The following ROBO2 variants were observed in gnomAD, a reference collection of about 807,000 sequenced individuals.
ROBO2 encodes the protein roundabout homolog 2.
A neutral mutation model predicts 160.8 loss-of-function variants in ROBO2; 53 were observed. That is an observed-to-expected ratio of 0.33 (90% CI 0.26 to 0.41). The LOEUF (loss-of-function observed/expected upper bound fraction) is 0.41, where lower values mean the gene tolerates loss of function less well. Ranked by LOEUF, ROBO2 falls within the 10% of genes least tolerant of loss-of-function variation. ROBO2 has a pLI of 1.00. For synonymous variants in ROBO2, 664 were observed against 611.7 expected, an observed-to-expected ratio of 1.09 and a Z score of -1.26; for missense variants, 1,577 against 1,722.4, an observed-to-expected ratio of 0.92 and a Z score of 1.49.
chr3:77,493,283 T>G (rs751359849), exon 5 of ROBO2: 2 of 1,613,996 alleles, frequency 1.2e-6, no homozygotes, highest in Non-Finnish European at 8.5e-7. Context: ...AACCAGGTGG[T>G]ACTGGAGGAA....
intron 22 of ROBO2, among the ~76,000 whole-genome samples, chr3:77,619,588 C>T (rs1412042418): frequency 2.6e-5 from 4 of 152,152 alleles, no homozygotes; most frequent in Non-Finnish European, 5.9e-5. Context: ...GCACACCTTC[C>T]TTGAGGTCCT....
chr3:76,633,291 G>A (rs559343790), intron 2 of ROBO2, among the ~76,000 whole-genome samples: 5 of 152,032 alleles, frequency 3.3e-5, no homozygotes, highest in African/African-American at 7.2e-5. Context: ...CCCCACCCCC[G>A]CACATGAAAT....
At chr3:76,771,680 T>TA (rs2061914523) in intron 2 of ROBO2, among the ~76,000 whole-genome samples, 1 of 151,286 alleles carries the variant, frequency 6.6e-6, no homozygotes, top group Non-Finnish European at 1.5e-5. Flanking sequence ...TCACTGGTGT[T>TA]ACACAGTAAT....
intron 2 of ROBO2, among the ~76,000 whole-genome samples, chr3:76,255,532 T>G (rs935646016): frequency 3.9e-5 from 6 of 152,022 alleles, no homozygotes; most frequent in African/African-American, 1.4e-4. Flanking sequence ...AAAATTTACA[T>G]TGTAAACATT....
intron 2 of ROBO2, among the ~76,000 whole-genome samples, chr3:76,881,567 A>G (rs2073337716): frequency 6.6e-6 from 1 of 152,242 alleles, no homozygotes; most frequent in Non-Finnish European, 1.5e-5. Context: ...AATAATTAGA[A>G]TAATATCAAC....
At chr3:76,657,696 A>T (rs1345158125) in intron 2 of ROBO2, among the ~76,000 whole-genome samples, 2 of 143,858 alleles carry the variant, frequency 1.4e-5, no homozygotes, top group African/African-American at 5.3e-5. Context: ...GTGTGTATAT[A>T]TATTCATATA....
intron 2 of ROBO2, among the ~76,000 whole-genome samples, chr3:77,139,333 C>T (rs1197694266): frequency 3.9e-5 from 6 of 152,078 alleles, no homozygotes; most frequent in Non-Finnish European, 7.4e-5. Flanking sequence ...AATCTCCTTC[C>T]ATGTACTTTA....
chr3:77,240,164 C>G (rs370096941), intron 2 of ROBO2, among the ~76,000 whole-genome samples: 11 of 152,138 alleles, frequency 7.2e-5, no homozygotes, highest in Non-Finnish European at 1.6e-4. Flanking sequence ...CGGGGAGGCT[C>G]GGGCCACGCA....
At chr3:76,454,829 T>C (rs142523932) in intron 2 of ROBO2, among the ~76,000 whole-genome samples, 2 of 152,236 alleles carry the variant, frequency 1.3e-5, no homozygotes, top group East Asian at 3.9e-4. Flanking sequence ...GTTATATGTA[T>C]ATAAATTAAT....
chr3:76,931,809 A>C (rs1028502525), intron 2 of ROBO2, among the ~76,000 whole-genome samples: 2 of 151,876 alleles, frequency 1.3e-5, no homozygotes, highest in African/African-American at 4.8e-5. Flanking sequence ...AGTCTCCGAG[A>C]ACCTGGGATT....
intron 20 of ROBO2, among the ~76,000 whole-genome samples, chr3:77,605,376 G>GT (rs2094506817): frequency 6.6e-6 from 1 of 152,072 alleles, no homozygotes; most frequent in African/African-American, 2.4e-5. Flanking sequence ...CTCAGAGAAT[G>GT]TAAGTGGCTT....
chr3:76,527,888 C>A (rs2082029102), intron 2 of ROBO2, among the ~76,000 whole-genome samples: 1 of 151,994 alleles, frequency 6.6e-6, no homozygotes, highest in Non-Finnish European at 1.5e-5. Context: ...AAAATCATGT[C>A]AGACAAAAGG....
intron 2 of ROBO2, among the ~76,000 whole-genome samples, chr3:76,855,347 A>G (rs983839348): frequency 6.6e-6 from 1 of 152,162 alleles, no homozygotes; most frequent in Non-Finnish European, 1.5e-5. Context: ...CTGTTAATGA[A>G]TGTCTTTACA....
At chr3:77,238,431 T>C (rs1318224241) in intron 2 of ROBO2, among the ~76,000 whole-genome samples, 2 of 152,174 alleles carry the variant, frequency 1.3e-5, no homozygotes, top group African/African-American at 4.8e-5. Flanking sequence ...TAGCATTCCA[T>C]GCCTTTTTGA....
intron 2 of ROBO2, among the ~76,000 whole-genome samples, chr3:76,556,175 G>T (rs970913227): frequency 6.6e-6 from 1 of 152,118 alleles, no homozygotes; most frequent in Non-Finnish European, 1.5e-5. Flanking sequence ...ATAGGTTGTA[G>T]TCCTCAGGAG....
At chr3:77,408,805 C>A (rs2076464749) in intron 2 of ROBO2, among the ~76,000 whole-genome samples, 1 of 152,014 alleles carries the variant, frequency 6.6e-6, no homozygotes, top group Admixed American at 6.6e-5. Context: ...GCTGCAGCCT[C>A]CCTTAATCTC....
chr3:76,126,582 T>A (rs2070999392), intron 2 of ROBO2, among the ~76,000 whole-genome samples: 2 of 152,124 alleles, frequency 1.3e-5, no homozygotes, highest in Admixed American at 1.3e-4. Context: ...CAAGAAAAGA[T>A]TTAAAATTTA....
intron 2 of ROBO2, among the ~76,000 whole-genome samples, chr3:76,135,352 A>C (rs1313101193): frequency 6.6e-6 from 1 of 152,136 alleles, no homozygotes; most frequent in Non-Finnish European, 1.5e-5. Context: ...AAAACAGATC[A>C]GTAACTTATC....
At position 76,382,006 on chromosome 3, in the gene ROBO2, G is replaced by T. The variant is rs543012379; in HGVS notation, c.109+444404G>T. On this transcript the variant is annotated intron_variant, in intron 2 of 26. Coordinates refer to the ROBO2 transcript ENST00000487694. ...TTTGTTTTGTTTTGTTTTGATAAGG[G>T]TCTCACTCAGTTGCCCAGGCTGCAG... 1.3e-4 allele frequency among the ~76,000 whole-genome samples: 20 copies of T among 151,990 alleles called. No homozygotes were observed. In the South Asian group the frequency reaches 2.3e-3, roughly 17 times the overall value.
Sources: gnomAD v4.1 joint callset for allele counts (sites outside exome capture counted in the v4.1 genomes callset) on GRCh38, gnomAD v4.1.1 for gene constraint, MANE v1.5 for transcripts, NCBI Gene and HGNC (gene_info 2026-07-23, HGNC 2026-07-21) for gene names.